Variants in ZNF25 observed in about 807,000 individuals in gnomAD.
ZNF25 encodes the protein zinc finger protein 25.
In ZNF25, 21 loss-of-function variants were observed where a neutral mutation model predicts 30.9. The observed-to-expected ratio is 0.68, with a 90% CI of 0.48 to 0.98. The LOEUF is 0.98. Ranked by LOEUF, ZNF25 falls within the 50% of genes least tolerant of loss-of-function variation. The pLI is 0.00. For missense variants in ZNF25, 501 were observed against 529.9 expected (o/e 0.95, Z 0.54); for synonymous variants, 169 against 181.3 (o/e 0.93, Z 0.55).
Position 37,971,780 on chromosome 10 carries a change from G to A in ZNF25, c.-58C>T. On this transcript the variant is annotated 5_prime_UTR_variant, in exon 2 of 6. Coordinates refer to ENST00000302609, the MANE Select transcript of ZNF25 (RefSeq NM_145011.4). ...CAAAGCCAGAGCAGAAATCATAAGG[G>A]ACCTTAGCTGGCAGCCCCAGGAATC... 2 of 1,613,218 alleles carry A rather than the reference G, an allele frequency of 1.2e-6. No individual in the cohort carries two copies. The highest frequency in any genetic ancestry group is 8.5e-7 in the Non-Finnish European group (1 of 1,179,368).
intron 4 of ZNF25, among the ~76,000 whole-genome samples, chr10:37,955,951 G>A (rs1482281705): frequency 6.6e-6 from 1 of 152,140 alleles, no homozygotes; most frequent in African/African-American, 2.4e-5. Context: ...CCAAAGTGCT[G>A]GGATTACAGG....
chr10:37,953,046 C>A lies in ZNF25; in HGVS notation c.452G>T (p.Cys151Phe). The A allele has an allele frequency of 6.2e-7, 1 of 1,614,028 alleles. No individual in the cohort carries two copies. Among genetic ancestry groups the A allele is most frequent in the Admixed American group, 1.7e-5 (1 of 60,014 alleles). ...SKGKSYDCDK[C>F]GKSFSKNEDL... ...TTCATTTTTAGAGAAAGATTTCCCA[C>A]ATTTATCACAGTCATAGGATTTGCC... The change falls in exon 6 of 6, where the codon TGT becomes TTT. Residue 151 changes from cysteine to phenylalanine, a missense_variant. Cys to Phe is a radical substitution (Grantham distance 205). Coordinates refer to ENST00000302609, the MANE Select transcript of ZNF25 (RefSeq NM_145011.4).
At position 37,951,494 on chromosome 10, in the gene ZNF25, C is replaced by T. The variant is rs971438957; in HGVS notation, c.*633G>A. The T allele has an allele frequency of 3.9e-5, 6 of 152,184 alleles. No homozygotes were observed. The highest frequency in any genetic ancestry group is 1.9e-4 in the East Asian group (1 of 5,198). The allele number at this position is 152,184 out of a possible 1,614,324, so 9.4% of individuals were successfully genotyped here. On this transcript the variant is annotated 3_prime_UTR_variant, in exon 6 of 6. Coordinates refer to ENST00000302609, the MANE Select transcript of ZNF25 (RefSeq NM_145011.4). ...GTTTCCTTTTAAAATAGAGCAATCTCGGCATCAGATCTGCAACATGATTTG... is the reference window on the plus strand; with the variant it reads ...GTTTCCTTTTAAAATAGAGCAATCTTGGCATCAGATCTGCAACATGATTTG...
intron 4 of ZNF25, 119 bp from the exon 5 acceptor site, chr10:37,953,877 C>T (rs1216069351): frequency 2.2e-6 from 2 of 912,872 alleles, no homozygotes; most frequent in Non-Finnish European, 3.3e-6. Flanking sequence ...TGCAAATTTC[C>T]TCTAGCCCAT....
intron 4 of ZNF25, 74 bp downstream of exon 4, chr10:37,956,946 C>A: frequency 1.0e-6 from 1 of 999,182 alleles, no homozygotes. Flanking sequence ...TGAGAGATTG[C>A]CGAAAAGTAC....
At chr10:37,966,220 A>G (rs1282593779) in intron 2 of ZNF25, among the ~76,000 whole-genome samples, 3 of 152,130 alleles carry the variant, frequency 2.0e-5, no homozygotes, top group South Asian at 4.2e-4. Flanking sequence ...GGAGTTCAAC[A>G]TGGCCAACAT....
chr10:37,966,677 C>G (rs2063207827), intron 2 of ZNF25, among the ~76,000 whole-genome samples: 1 of 152,126 alleles, frequency 6.6e-6, no homozygotes, highest in African/African-American at 2.4e-5. Flanking sequence ...AGGGGGAAGT[C>G]TGCCCCCATG....
At chr10:37,959,312 T>C (rs2062715878) in intron 2 of ZNF25, among the ~76,000 whole-genome samples, 1 of 151,998 alleles carries the variant, frequency 6.6e-6, no homozygotes, top group Non-Finnish European at 1.5e-5. Flanking sequence ...AAGAAAAACA[T>C]TTATATGAAA....
chr10:37,974,222 A>T (rs992474303), intron 1 of ZNF25, among the ~76,000 whole-genome samples: 2 of 152,168 alleles, frequency 1.3e-5, no homozygotes, highest in South Asian at 4.1e-4. Flanking sequence ...CTCGGCAAAA[A>T]TTTTTTGGTA....
At chr10:37,968,546 G>C (rs1306049374) in intron 2 of ZNF25, among the ~76,000 whole-genome samples, 2 of 152,178 alleles carry the variant, frequency 1.3e-5, no homozygotes, top group Non-Finnish European at 2.9e-5. Context: ...AGTAGAGACA[G>C]GGTTTCACCA....
chr10:37,960,623 CAAA>C (rs201582068), intron 2 of ZNF25, among the ~76,000 whole-genome samples: 1 of 65,724 alleles, frequency 1.5e-5, no homozygotes, highest in Non-Finnish European at 2.5e-5. Flanking sequence ...GACTCCATCT[CAAA>C]AAAAAAAAAA....
At chr10:37,956,050 T>C (rs1171233501) in intron 4 of ZNF25, among the ~76,000 whole-genome samples, 2 of 152,242 alleles carry the variant, frequency 1.3e-5, no homozygotes, top group African/African-American at 4.8e-5. Flanking sequence ...GTACTAGGCA[T>C]TGTTCCTGAT....
Position 37,971,775 on chromosome 10 carries a change from T to C in ZNF25, c.-53A>G, listed in dbSNP as rs1377868421. ...AACTGCAAAGCCAGAGCAGAAATCA[T>C]AAGGGACCTTAGCTGGCAGCCCCAG... On this transcript the variant is annotated 5_prime_UTR_variant, in exon 2 of 6. An upstream start codon of the reference 5' UTR is lost. Transcript: ENST00000302609. 2 of 1,613,774 alleles carry C rather than the reference T, an allele frequency of 1.2e-6. No homozygotes were observed. The highest frequency in any genetic ancestry group is 1.7e-6 in the Non-Finnish European group (2 of 1,179,834).
At chr10:37,967,887 G>A (rs1009498514) in intron 2 of ZNF25, 5 of 152,176 alleles carry the variant, frequency 3.3e-5, no homozygotes, top group African/African-American at 1.2e-4. Flanking sequence ...AGTTAAACAT[G>A]TAGAACTCTT....
chr10:37,970,987 A>C lies in ZNF25; in HGVS notation c.15+721T>G, dbSNP rs200728583. On this transcript the variant is annotated intron_variant, in intron 2 of 5. Transcript: ENST00000302609. ...AACATATACCTCAGAAATACTACTC[A>C]AATGTTGACATATTGTTATAAAATA... Among the ~76,000 whole-genome samples the C allele has an allele frequency of 2.2e-4, 34 of 152,284 alleles. 1 individual carries two copies. In the East Asian group the frequency reaches 6.6e-3, roughly 29 times the overall value.
At chr10:37,975,250 G>T (rs568062379) in intron 1 of ZNF25, among the ~76,000 whole-genome samples, 33 of 152,288 alleles carry the variant, frequency 2.2e-4, no homozygotes, top group Non-Finnish European at 4.7e-4. Flanking sequence ...AGAATAGCTA[G>T]AAGATTTCGA....
intron 2 of ZNF25, among the ~76,000 whole-genome samples, chr10:37,959,837 T>C (rs1044552264): frequency 5.9e-5 from 9 of 151,952 alleles, no homozygotes; most frequent in African/African-American, 2.2e-4. Context: ...CTCGAACTCC[T>C]GACCTCAGGT....
chr10:37,966,341 G>C (rs1036099599), intron 2 of ZNF25, among the ~76,000 whole-genome samples: 1 of 151,934 alleles, frequency 6.6e-6, no homozygotes, highest in Non-Finnish European at 1.5e-5. Flanking sequence ...TTGAACCCGG[G>C]AGGTGGAGGT....
intron 4 of ZNF25, among the ~76,000 whole-genome samples, 174 bp from the exon 5 acceptor site, chr10:37,953,932 A>G (rs1412219341): frequency 6.6e-6 from 1 of 152,234 alleles, no homozygotes; most frequent in African/African-American, 2.4e-5. Flanking sequence ...AACTGCTGTC[A>G]CACACAGAAG....
Sources: gnomAD v4.1 joint callset for allele counts (sites outside exome capture counted in the v4.1 genomes callset) on GRCh38, gnomAD v4.1.1 for gene constraint, MANE v1.5 for transcripts, NCBI Gene and HGNC (gene_info 2026-07-23, HGNC 2026-07-21) for gene names.